ATP11A: variants seen among roughly 807,000 people sequenced by gnomAD.
ATP11A encodes ATPase phospholipid transporting 11A.
Under a neutral mutation model 154.4 loss-of-function variants are expected in ATP11A, and 81 were observed. The ratio of observed to expected loss-of-function variants is 0.52; its 90% CI spans 0.44 to 0.63. ATP11A has a LOEUF of 0.63. ATP11A is among the 30% of genes least tolerant of loss of function. The probability of loss-of-function intolerance (pLI) is 0.00; values close to 1 mark genes in which losing one functional copy is unlikely to be tolerated. For synonymous variants in ATP11A, 623 were observed against 585.9 expected, an observed-to-expected ratio of 1.06 and a Z score of -0.91; for missense variants, 1,316 against 1,474.3, an observed-to-expected ratio of 0.89 and a Z score of 1.76.
chr13:112,861,555 G>A lies in ATP11A; in HGVS notation c.2856-885G>A, dbSNP rs553366443. Among the ~76,000 whole-genome samples the A allele has an allele frequency of 8.5e-5, 13 of 152,308 alleles. No homozygotes were observed. The South Asian group carries it at 1.4e-3, about 17-fold the overall frequency. ...AATTCTGTGCAGTCTTCTCACATGCGTGTTTCCTGCATCCACCACCATAGC... is the reference window on the plus strand; with the variant it reads ...AATTCTGTGCAGTCTTCTCACATGCATGTTTCCTGCATCCACCACCATAGC... On this transcript the variant is annotated intron_variant, in intron 24 of 29. Transcript: ENST00000375645.
At chr13:112,872,779 C>T (rs1325885798) in intron 26 of ATP11A, among the ~76,000 whole-genome samples, 1 of 149,856 alleles carries the variant, frequency 6.7e-6, no homozygotes, top group Non-Finnish European at 1.5e-5. Flanking sequence ...GTGGCGTCCC[C>T]ACATTCTTCC....
At chr13:112,846,440 G>A (rs79356197) in intron 17 of ATP11A, among the ~76,000 whole-genome samples, 3,027 of 152,194 alleles carry the variant, frequency 0.02, 59 homozygotes, top group African/African-American at 0.052. Flanking sequence ...CTCAAACATC[G>A]GAGTTTTCAT....
At chr13:112,857,067 C>T (rs1211046039) in intron 20 of ATP11A, among the ~76,000 whole-genome samples, 1 of 152,198 alleles carries the variant, frequency 6.6e-6, no homozygotes, top group Admixed American at 6.5e-5. Context: ...AAGGATTTGC[C>T]ATTCGCTCTT....
intron 1 of ATP11A, among the ~76,000 whole-genome samples, chr13:112,691,867 T>A (rs950972659): frequency 6.6e-6 from 1 of 152,100 alleles, no homozygotes; most frequent in Non-Finnish European, 1.5e-5. Flanking sequence ...CGTTTCCTGA[T>A]CTCGGGGAAG....
intron 1 of ATP11A, among the ~76,000 whole-genome samples, chr13:112,741,330 A>T (rs1274528529): frequency 8.5e-6 from 1 of 117,784 alleles, no homozygotes; most frequent in African/African-American, 3.5e-5. Flanking sequence ...CACACCAGGG[A>T]TGGAGAAGGT....
At chr13:112,768,247 G>A (rs898039263) in intron 1 of ATP11A, among the ~76,000 whole-genome samples, 2 of 152,238 alleles carry the variant, frequency 1.3e-5, no homozygotes, top group African/African-American at 2.4e-5. Flanking sequence ...CCAGGCGCCC[G>A]CCTCCACCTC....
intron 1 of ATP11A, among the ~76,000 whole-genome samples, chr13:112,699,906 A>G (rs984621842): frequency 2.6e-5 from 4 of 152,256 alleles, no homozygotes; most frequent in African/African-American, 9.6e-5. Flanking sequence ...TTATTAATGG[A>G]CATGAAAATA....
intron 1 of ATP11A, among the ~76,000 whole-genome samples, chr13:112,762,647 CT>C (rs1566443028): frequency 6.6e-6 from 1 of 152,208 alleles, no homozygotes; most frequent in East Asian, 1.9e-4. Context: ...TTTTCTTCCC[CT>C]TAACTCCCAT....
intron 1 of ATP11A, among the ~76,000 whole-genome samples, chr13:112,779,249 G>T (rs190583604): frequency 7.3e-6 from 1 of 137,772 alleles, no homozygotes; most frequent in Admixed American, 7.4e-5. Flanking sequence ...TGGAGTAGCC[G>T]CTGGAGTGAG....
At chr13:112,839,043 C>T (rs79986452) in intron 16 of ATP11A, among the ~76,000 whole-genome samples, 2,197 of 152,220 alleles carry the variant, frequency 0.014, 59 homozygotes, top group African/African-American at 0.05. Context: ...CCATGATGTC[C>T]GCAGGACCCT....
chr13:112,853,855 A>G (rs1456238477), intron 18 of ATP11A, among the ~76,000 whole-genome samples: 1 of 152,204 alleles, frequency 6.6e-6, no homozygotes, highest in East Asian at 1.9e-4. Flanking sequence ...AACAGTTTAT[A>G]CAAAACAAAA....
intron 19 of ATP11A, among the ~76,000 whole-genome samples, chr13:112,854,943 A>G (rs2079879597): frequency 6.6e-6 from 1 of 152,252 alleles, no homozygotes; most frequent in Admixed American, 6.5e-5. Context: ...GAAGCAGTAC[A>G]TGCCCAAGAG....
rs376323212 is a variant in ATP11A at position 112,875,900 on chromosome 13, C to T, written c.3286C>T (p.Leu1096=). Residue 1096 remains leucine (L), a synonymous_variant, in exon 28 of 30, where the codon CTG becomes TTG. Coordinates refer to ENST00000375645, the MANE Select transcript of ATP11A (RefSeq NM_015205.3). This position sits in a 1 kb window ranked among gnomAD's most constrained non-coding sequence, Gnocchi z 4.1. ...SLLPDVLKKV[L]CRQLWPTATE... is the part of the protein sequence containing the mutation. ...CCTTCCCGACGTCCTCAAGAAAGTC[C>T]TGTGCCGGCAGCTGTGGCCAACAGC... 4.3e-6 allele frequency: 7 copies of T among 1,613,358 alleles called. No homozygotes were observed. Among genetic ancestry groups the T allele is most frequent in the Non-Finnish European group, 5.1e-6 (6 of 1,180,040 alleles).
intron 21 of ATP11A, 61 bp from the exon 22 acceptor site, chr13:112,858,084 C>T (rs1342510909): frequency 1.3e-6 from 2 of 1,594,986 alleles, no homozygotes; most frequent in East Asian, 2.2e-5. Flanking sequence ...TTCTCCCCGT[C>T]CCTGCCCTGT....
Position 112,851,300 on chromosome 13 carries a change from C to CGGGA in ATP11A, c.1991+89_1991+92dup, listed in dbSNP as rs146753563. The CGGGA allele has an allele frequency of 1.2e-3, 1,681 of 1,440,154 alleles. 17 individuals are homozygous for CGGGA. In the African/African-American group the frequency reaches 0.02, roughly 17 times the overall value. The allele number at this position is 1,440,154 out of a possible 1,614,324, so 89.2% of individuals were successfully genotyped here. ...CCCAGGGCGTGTGAGGGCGAGTGGA[C>CGGGA]GGGAGGGAGGCCATCCGCACAGCCG... On this transcript the variant is annotated intron_variant, in intron 18 of 29. Transcript: ENST00000375645.
intron 2 of ATP11A, among the ~76,000 whole-genome samples, chr13:112,804,724 G>T (rs546815042): frequency 6.6e-6 from 1 of 151,960 alleles, no homozygotes; most frequent in South Asian, 2.1e-4. Context: ...GCTACCTTGC[G>T]TTTTATCTTG....
Position 112,805,929 on chromosome 13 carries a change from C to T in ATP11A, c.253-284C>T, listed in dbSNP as rs571580615. 9.9e-5 allele frequency among the ~76,000 whole-genome samples: 15 copies of T among 150,858 alleles called. No homozygotes were observed. The South Asian group carries it at 2.9e-3, about 30-fold the overall frequency. On this transcript the variant is annotated intron_variant, in intron 3 of 29. Coordinates refer to ENST00000375645, the MANE Select transcript of ATP11A (RefSeq NM_015205.3). ...TGTAATTAAAATGTGACACTGAGGC[C>T]GTGGGGTGAATTAATACAAGGCGTG... is the stretch of plus-strand genomic sequence containing the variant.
chr13:112,854,301 A>G lies in ATP11A; in HGVS notation c.2014A>G (p.Thr672Ala), dbSNP rs890697716. The G allele has an allele frequency of 7.4e-6, 12 of 1,614,116 alleles. No homozygotes were observed. The East Asian group carries it at 2.7e-4, about 36-fold the overall frequency. The change falls in exon 19 of 30, where the codon ACC becomes GCC. Residue 672 changes from threonine to alanine, a missense_variant. Coordinates refer to ENST00000375645, the MANE Select transcript of ATP11A (RefSeq NM_015205.3). ...EDRLQEKAADTIEALQKAGIK... is the reference protein window; with the variant it reads ...EDRLQEKAADAIEALQKAGIK... ...CAGGCTGCAGGAGAAAGCTGCAGAC[A>G]CCATCGAGGCCCTGCAGAAGGCCGG...
rs192373865 is a variant in ATP11A, at chr13:112,743,420, A to G, written c.40-41715A>G. ...TTGTATGTTCCTGCAGGTTCCTGCTAGCACTGATGGCATAGGCAGGTGTTG... is the reference window on the plus strand; with the variant it reads ...TTGTATGTTCCTGCAGGTTCCTGCTGGCACTGATGGCATAGGCAGGTGTTG... On this transcript the variant is annotated intron_variant, in intron 1 of 29. Coordinates refer to ENST00000375645, the MANE Select transcript of ATP11A (RefSeq NM_015205.3). 4.0e-3 allele frequency among the ~76,000 whole-genome samples: 568 copies of G among 141,596 alleles called. 4 individuals are homozygous for G. The highest frequency in any genetic ancestry group is 0.01 in the Middle Eastern group (3 of 288). 92.9% of individuals were successfully genotyped at this position (141,596 alleles called of 152,430 possible). A position where few individuals can be genotyped will look rare whatever the true frequency, so the allele number is the denominator to read the frequency against.
Sources: allele counts gnomAD v4.1 joint callset (sites outside exome capture counted in the v4.1 genomes callset), GRCh38; gene constraint gnomAD v4.1.1; non-coding constraint Gnocchi (gnomAD v3.1); transcripts MANE v1.5; gene names NCBI Gene and HGNC (gene_info 2026-07-23, HGNC 2026-07-21).